THSD7B: variants seen among roughly 807,000 people sequenced by gnomAD.
THSD7B encodes thrombospondin type-1 domain-containing protein 7B.
THSD7B carries 138 observed loss-of-function variants against 213.6 expected under a neutral mutation model. That is an observed-to-expected ratio of 0.65 (90% confidence interval 0.56 to 0.74). The LOEUF is 0.74. THSD7B is among the 30% of genes least tolerant of loss of function. The pLI, the probability that THSD7B is intolerant of heterozygous loss-of-function variation, is 0.00. For missense variants in THSD7B, 1,931 were observed against 1,991.5 expected, an observed-to-expected ratio of 0.97 and a Z score of 0.58; for synonymous variants, 742 against 687.0, an observed-to-expected ratio of 1.08 and a Z score of -1.25.
At chr2:137,043,019 A>G (rs775953789) in intron 2 of THSD7B, among the ~76,000 whole-genome samples, 3 of 152,150 alleles carry the variant, frequency 2.0e-5, no homozygotes, top group Non-Finnish European at 2.9e-5. Flanking sequence ...TTCTCAGTGC[A>G]CTATTGAGCG....
rs146872377 is a variant in THSD7B at position 137,035,998 on chromosome 2, A to G, written c.140-20422A>G. Reference sequence around the variant, plus strand: ...ATATACTACCTACCACATCAGCAGTACTGTAAAGTACATAAAATGTGCTTT... The same window carrying G: ...ATATACTACCTACCACATCAGCAGTGCTGTAAAGTACATAAAATGTGCTTT... On this transcript the variant is annotated intron_variant, in intron 2 of 27. Coordinates refer to ENST00000409968, the MANE Select transcript of THSD7B (RefSeq NM_001316349.2). Among the ~76,000 whole-genome samples the G allele has an allele frequency of 2.0e-5, 3 of 152,366 alleles. No individual in the cohort carries two copies. The East Asian group carries it at 5.8e-4, about 29-fold the overall frequency.
chr2:137,104,781 T>G (rs1402360049), intron 4 of THSD7B, among the ~76,000 whole-genome samples: 2 of 152,174 alleles, frequency 1.3e-5, no homozygotes, highest in African/African-American at 4.8e-5. Context: ...TATGAACATC[T>G]GTACGCAAAT....
intron 12 of THSD7B, among the ~76,000 whole-genome samples, chr2:137,310,126 G>C (rs1683858677): frequency 6.6e-6 from 1 of 152,050 alleles, no homozygotes; most frequent in Non-Finnish European, 1.5e-5. Flanking sequence ...CCCACCAACA[G>C]TGTAATAGTG....
intron 3 of THSD7B, among the ~76,000 whole-genome samples, chr2:137,060,366 T>G (rs1054316859): frequency 2.0e-5 from 3 of 152,002 alleles, no homozygotes; most frequent in Non-Finnish European, 4.4e-5. Flanking sequence ...TTAATTTTAA[T>G]GAAGTCCAAC....
chr2:137,387,106 A>G (rs1685913760), intron 12 of THSD7B, among the ~76,000 whole-genome samples: 1 of 152,186 alleles, frequency 6.6e-6, no homozygotes, highest in African/African-American at 2.4e-5. Context: ...CCTGTGTAGC[A>G]ATTAAGAAAA....
chr2:137,259,174 G>A (rs780342812), intron 10 of THSD7B, among the ~76,000 whole-genome samples: 5 of 152,172 alleles, frequency 3.3e-5, no homozygotes, highest in Non-Finnish European at 7.3e-5. Flanking sequence ...ATAGTAGAAT[G>A]ATTTATAATC....
chr2:137,351,104 G>A (rs1161765152), intron 12 of THSD7B, among the ~76,000 whole-genome samples: 1 of 151,922 alleles, frequency 6.6e-6, no homozygotes, highest in Non-Finnish European at 1.5e-5. Flanking sequence ...CTTGGGATTG[G>A]ATGAGATCTG....
intron 15 of THSD7B, among the ~76,000 whole-genome samples, chr2:137,478,008 T>C (rs1688227723): frequency 6.6e-6 from 1 of 152,152 alleles, no homozygotes; most frequent in Non-Finnish European, 1.5e-5. Context: ...TTGCTTTTTG[T>C]AGAATTCTCT....
chr2:137,477,539 T>C (rs1376555554), intron 15 of THSD7B, among the ~76,000 whole-genome samples: 2 of 151,784 alleles, frequency 1.3e-5, no homozygotes, highest in Non-Finnish European at 2.9e-5. Context: ...ATTTATATTA[T>C]TTATGTATTT....
chr2:136,770,177 T>A (rs1184767523), intron 1 of THSD7B, among the ~76,000 whole-genome samples: 1 of 152,230 alleles, frequency 6.6e-6, no homozygotes, highest in Non-Finnish European at 1.5e-5. Context: ...GCCTTAGTCT[T>A]AGACTGCAGC....
intron 3 of THSD7B, among the ~76,000 whole-genome samples, chr2:137,060,630 ATTGAG>A (rs1176256381): frequency 1.7e-4 from 26 of 151,936 alleles, no homozygotes; most frequent in Non-Finnish European, 2.9e-5. Context: ...TCTTTTCTCT[ATTGAG>A]TTACCTATGC....
chr2:136,974,518 A>G (rs1685449844), intron 2 of THSD7B, among the ~76,000 whole-genome samples: 1 of 152,178 alleles, frequency 6.6e-6, no homozygotes, highest in Non-Finnish European at 1.5e-5. Flanking sequence ...GTCCCTACAA[A>G]GGACATGATC....
intron 12 of THSD7B, among the ~76,000 whole-genome samples, chr2:137,276,548 T>C (rs1403257511): frequency 2.0e-5 from 3 of 152,084 alleles, no homozygotes; most frequent in East Asian, 1.9e-4. Flanking sequence ...GGAAGACATA[T>C]GAATAAGCTT....
chr2:137,254,613 A>G (rs10490734), intron 10 of THSD7B, among the ~76,000 whole-genome samples: 29,791 of 152,020 alleles, frequency 0.2, 3,012 homozygotes, highest in African/African-American at 0.25. Flanking sequence ...TCACTTTTTC[A>G]CAGTATTTTG....
chr2:136,983,430 A>C (rs1205131427), intron 2 of THSD7B, among the ~76,000 whole-genome samples: 6 of 129,934 alleles, frequency 4.6e-5, no homozygotes, highest in Non-Finnish European at 1.0e-4. Flanking sequence ...CCAAAGGGTT[A>C]GAACTCCCTT....
intron 2 of THSD7B, among the ~76,000 whole-genome samples, chr2:137,055,773 T>A (rs1205523547): frequency 6.6e-6 from 1 of 152,228 alleles, no homozygotes; most frequent in African/African-American, 2.4e-5. Context: ...GCTTCTCTTA[T>A]TACCTTACCT....
chr2:137,110,464 AT>A (rs1688328456), intron 4 of THSD7B, among the ~76,000 whole-genome samples: 1 of 152,116 alleles, frequency 6.6e-6, no homozygotes, highest in African/African-American at 2.4e-5. Context: ...TGCATCCAGT[AT>A]TTGAGTTATT....
chr2:136,793,400 C>T (rs975548362), intron 1 of THSD7B, among the ~76,000 whole-genome samples: 5 of 152,034 alleles, frequency 3.3e-5, no homozygotes, highest in Non-Finnish European at 7.4e-5. Flanking sequence ...TCTTTATTCA[C>T]AACTTTTGCC....
chr2:137,676,392 A>C, intron 27 of THSD7B, 132 bp from the exon 28 acceptor site: 3 of 751,332 alleles, frequency 4.0e-6, no homozygotes, highest in Non-Finnish European at 6.4e-6. Flanking sequence ...ACAAAAGGGA[A>C]CCCACACATC....
Sources: gnomAD v4.1 joint callset for allele counts (sites outside exome capture counted in the v4.1 genomes callset) on GRCh38, gnomAD v4.1.1 for gene constraint, MANE v1.5 for transcripts, NCBI Gene and HGNC (gene_info 2026-07-23, HGNC 2026-07-21) for gene names.